The following NF2 variants were observed in gnomAD, a reference collection of about 807,000 sequenced individuals.
NF2 encodes the protein merlin.
A neutral mutation model predicts 83.7 loss-of-function variants in NF2; 8 were observed. The ratio of observed to expected loss-of-function variants is 0.10; its 90% CI spans 0.06 to 0.17. The LOEUF is 0.17. Ranked by LOEUF, NF2 falls within the 10% of genes least tolerant of loss-of-function variation. The pLI is 1.00. For synonymous variants in NF2, 266 were observed against 269.6 expected, an observed-to-expected ratio of 0.99 and a Z score of 0.13; for missense variants, 533 against 744.4, an observed-to-expected ratio of 0.72 and a Z score of 3.31.
At chr22:29,644,339 C>A (rs1361000924) in intron 4 of NF2, among the ~76,000 whole-genome samples, 2 of 149,166 alleles carry the variant, frequency 1.3e-5, no homozygotes. Context: ...CGGGCAGAGA[C>A]GCTCCTCACT....
intron 1 of NF2, among the ~76,000 whole-genome samples, chr22:29,605,202 G>A (rs1219322375): frequency 6.9e-6 from 1 of 144,156 alleles, no homozygotes; most frequent in Non-Finnish European, 1.5e-5. Flanking sequence ...GTCACCCAGA[G>A]TGCACCGGGC....
chr22:29,633,293 A>T (rs769808003), intron 1 of NF2, among the ~76,000 whole-genome samples: 1 of 152,156 alleles, frequency 6.6e-6, no homozygotes, highest in Non-Finnish European at 1.5e-5. Context: ...TTGCTGGTCT[A>T]TCCCTGCCAG....
intron 6 of NF2, among the ~76,000 whole-genome samples, chr22:29,657,843 A>G (rs1017996229): frequency 6.6e-6 from 1 of 152,212 alleles, no homozygotes; most frequent in Non-Finnish European, 1.5e-5. Context: ...TCCAACACCC[A>G]AATCTGTTTG....
At chr22:29,646,032 G>T (rs1288815421) in intron 4 of NF2, among the ~76,000 whole-genome samples, 2 of 152,168 alleles carry the variant, frequency 1.3e-5, no homozygotes, top group Non-Finnish European at 2.9e-5. Flanking sequence ...AATAGTTAAA[G>T]GATATCTGAT....
At chr22:29,680,763 G>C (rs538445494) in intron 14 of NF2, among the ~76,000 whole-genome samples, 3 of 152,108 alleles carry the variant, frequency 2.0e-5, no homozygotes, top group Non-Finnish European at 4.4e-5. Flanking sequence ...AAGAGATCAC[G>C]TGAAGCTGGG....
chr22:29,609,420 G>A (rs549443603), intron 1 of NF2: 2 of 498,226 alleles, frequency 4.0e-6, no homozygotes, highest in African/African-American at 3.9e-5. Flanking sequence ...GTGCTATGGT[G>A]AGGAGTGAAG....
chr22:29,679,331 T>C (rs1000551534), intron 14 of NF2, among the ~76,000 whole-genome samples: 2 of 152,140 alleles, frequency 1.3e-5, no homozygotes, highest in Non-Finnish European at 2.9e-5. Context: ...GCTGTTTTTC[T>C]TTGGGCTCTC....
Position 29,696,328 on chromosome 22 carries a change from T to A in NF2, c.*1526T>A. 1 of 221,128 alleles carries A rather than the reference T, an allele frequency of 4.5e-6. No homozygotes were observed. Among genetic ancestry groups the A allele is most frequent in the East Asian group, 6.5e-5 (1 of 15,364 alleles). The allele number at this position is 221,128 out of a possible 1,614,324, so 13.7% of individuals were successfully genotyped here. On this transcript the variant is annotated 3_prime_UTR_variant, in exon 16 of 16. Transcript: ENST00000338641. ...ACCTGGGATTACAGGCATGAGCCAC[T>A]GCACCCAGCCCCTTCTTGCCCTTTC... is the stretch of plus-strand genomic sequence containing the variant.
rs1229742407 is a variant in NF2 at position 29,636,690 on chromosome 22, G to T, written c.115-61G>T. On this transcript the variant is annotated intron_variant, in intron 1 of 15. Transcript: ENST00000338641. The surrounding 1 kb of genome is among the most constrained non-coding windows in gnomAD (Gnocchi z 4.4). ...GGAACCTGAGAGTGGAGAGTGCAGAGAAAAGGTTTTATTAATGATTTTTGC... is the reference window on the plus strand; with the variant it reads ...GGAACCTGAGAGTGGAGAGTGCAGATAAAAGGTTTTATTAATGATTTTTGC... 3 of 1,612,544 alleles carry T rather than the reference G, an allele frequency of 1.9e-6. No homozygotes were observed. In the East Asian group the frequency reaches 6.7e-5, roughly 36 times the overall value.
At chr22:29,654,630 C>T (rs1469943812) in intron 4 of NF2, 27 bp from the exon 5 acceptor site, 11 of 1,602,590 alleles carry the variant, frequency 6.9e-6, no homozygotes, top group African/African-American at 5.4e-5. Flanking sequence ...GAATCTCAAT[C>T]GCCTGCTCTC....
At chr22:29,681,260 A>G (rs954236805) in intron 14 of NF2, among the ~76,000 whole-genome samples, 179 bp from the exon 15 acceptor site, 2 of 152,080 alleles carry the variant, frequency 1.3e-5, no homozygotes, top group Non-Finnish European at 2.9e-5. Flanking sequence ...ATGAGGAAAC[A>G]TTCATAGCAT....
At chr22:29,656,569 G>A (rs1278854626) in intron 6 of NF2, among the ~76,000 whole-genome samples, 1 of 151,622 alleles carries the variant, frequency 6.6e-6, no homozygotes, top group African/African-American at 2.4e-5. Flanking sequence ...CCGCCACCAC[G>A]CCTAGGCTAA....
intron 1 of NF2, among the ~76,000 whole-genome samples, chr22:29,611,956 G>T (rs931715427): frequency 1.3e-5 from 2 of 152,108 alleles, no homozygotes; most frequent in African/African-American, 2.4e-5. Flanking sequence ...TTTAGTAAAA[G>T]AAAGTATAAA....
intron 4 of NF2, among the ~76,000 whole-genome samples, chr22:29,646,676 C>T (rs1029637384): frequency 6.6e-6 from 1 of 152,132 alleles, no homozygotes; most frequent in Non-Finnish European, 1.5e-5. Context: ...AACAATTACC[C>T]TCAAAGTATA....
intron 1 of NF2, among the ~76,000 whole-genome samples, chr22:29,604,807 C>T (rs1038221739): frequency 6.6e-6 from 1 of 152,160 alleles, no homozygotes; most frequent in Non-Finnish European, 1.5e-5. Context: ...CATGCTTTTT[C>T]TGTACAGGAC....
intron 5 of NF2, 143 bp downstream of exon 5, chr22:29,654,868 G>T: frequency 1.4e-6 from 1 of 728,500 alleles, no homozygotes; most frequent in Non-Finnish European, 2.4e-6. Context: ...AAACAGTGTG[G>T]GATCTCTGTT....
chr22:29,624,802 TTTC>T, intron 1 of NF2, among the ~76,000 whole-genome samples: 1 of 9,002 alleles, frequency 1.1e-4, no homozygotes, highest in South Asian at 3.9e-3. Flanking sequence ...AAGGGTCCTC[TTTC>T]TTTCTTTCTT....
chr22:29,682,922 T>C, intron 15 of NF2: 1 of 1,421,918 alleles, frequency 7.0e-7, no homozygotes, highest in Non-Finnish European at 9.9e-7. Flanking sequence ...CTCATCACGA[T>C]TTCAGGCCTA....
intron 4 of NF2, among the ~76,000 whole-genome samples, chr22:29,647,364 G>A (rs914251675): frequency 4.6e-5 from 7 of 152,150 alleles, no homozygotes; most frequent in African/African-American, 1.4e-4. Context: ...GGTAGAGAGT[G>A]GCAAGAGTTG....
Sources: allele counts gnomAD v4.1 joint callset (sites outside exome capture counted in the v4.1 genomes callset), GRCh38; gene constraint gnomAD v4.1.1; non-coding constraint Gnocchi (gnomAD v3.1); transcripts MANE v1.5; gene names NCBI Gene and HGNC (gene_info 2026-07-23, HGNC 2026-07-21).